Variants in WSCD2 observed in about 807,000 individuals in gnomAD.
WSCD2 encodes the protein sialate:O-sulfotransferase 2.
A neutral mutation model predicts 55.7 loss-of-function variants in WSCD2; 28 were observed. That is an observed-to-expected ratio of 0.50 (90% CI 0.37 to 0.69). The LOEUF is 0.69. Ranked by LOEUF, WSCD2 falls within the 30% of genes least tolerant of loss-of-function variation. The pLI is 0.00. For missense variants in WSCD2, 616 were observed against 762.1 expected, an observed-to-expected ratio of 0.81 and a Z score of 2.26; for synonymous variants, 301 against 301.9, an observed-to-expected ratio of 1.00 and a Z score of 0.03.
chr12:108,200,657 T>A (rs1884553390), intron 2 of WSCD2, among the ~76,000 whole-genome samples: 1 of 152,216 alleles, frequency 6.6e-6, no homozygotes, highest in African/African-American at 2.4e-5. Context: ...TAAAAGTTCT[T>A]CTACAATAAG....
chr12:108,210,955 A>C lies in WSCD2; in HGVS notation c.682+650A>C, dbSNP rs943342637. On this transcript the variant is annotated intron_variant, in intron 4 of 8. Coordinates refer to ENST00000547525, the MANE Select transcript of WSCD2 (RefSeq NM_014653.4). The surrounding 1 kb of genome is among the most constrained non-coding windows in gnomAD (Gnocchi z 4.3). Reference sequence around the variant, plus strand: ...ACAGAAGGAGGGAGTGAATAAGAGGACAGGAGCTGGCTCCTTGTCTGAGGG... The same window carrying C: ...ACAGAAGGAGGGAGTGAATAAGAGGCCAGGAGCTGGCTCCTTGTCTGAGGG... Among the ~76,000 whole-genome samples, 2 of 152,244 alleles carry C rather than the reference A, an allele frequency of 1.3e-5. No individual in the cohort carries two copies. Among genetic ancestry groups the C allele is most frequent in the African/African-American group, 4.8e-5 (2 of 41,462 alleles).
At chr12:108,150,604 C>T (rs1877881176) in intron 1 of WSCD2, among the ~76,000 whole-genome samples, 2 of 152,096 alleles carry the variant, frequency 1.3e-5, no homozygotes, top group African/African-American at 2.4e-5. Context: ...GGCCGGAGCA[C>T]AGAAGCAGAA....
intron 1 of WSCD2, among the ~76,000 whole-genome samples, chr12:108,158,002 C>T (rs1302331659): frequency 6.6e-6 from 1 of 152,170 alleles, no homozygotes; most frequent in Non-Finnish European, 1.5e-5. Flanking sequence ...CCAGCCACTA[C>T]AGGCTGTCTG....
intron 1 of WSCD2, among the ~76,000 whole-genome samples, chr12:108,142,009 G>A (rs530644036): frequency 2.2e-4 from 33 of 152,272 alleles, no homozygotes; most frequent in Middle Eastern, 3.4e-3. Flanking sequence ...AGCCTTCCAG[G>A]GAGAGGTGAG....
chr12:108,141,276 A>T (rs1456066058), intron 1 of WSCD2, among the ~76,000 whole-genome samples: 4 of 152,102 alleles, frequency 2.6e-5, no homozygotes, highest in African/African-American at 7.2e-5. Flanking sequence ...TTTTTAAAAA[A>T]TTTTTGAAGA....
intron 1 of WSCD2, among the ~76,000 whole-genome samples, chr12:108,131,329 A>G (rs1305324524): frequency 2.0e-5 from 3 of 152,222 alleles, no homozygotes; most frequent in African/African-American, 7.2e-5. Flanking sequence ...AGTTCAGTTG[A>G]GACACTCTAT....
intron 8 of WSCD2, among the ~76,000 whole-genome samples, chr12:108,246,941 A>G (rs1890136361): frequency 6.6e-6 from 1 of 152,144 alleles, no homozygotes; most frequent in Non-Finnish European, 1.5e-5. Flanking sequence ...TGAAAACAGA[A>G]TAATATCAGT....
In WSCD2 at chr12:108,250,452, A is replaced by G. The variant is rs1890369065; in HGVS notation, c.*2109A>G. 1 of 152,146 alleles carries G rather than the reference A, an allele frequency of 6.6e-6. No homozygotes were observed. The highest frequency in any genetic ancestry group is 1.5e-5 in the Non-Finnish European group (1 of 68,052). The allele number at this position is 152,146 out of a possible 1,614,324, so 9.4% of individuals were successfully genotyped here. On this transcript the variant is annotated 3_prime_UTR_variant, in exon 9 of 9. Transcript: ENST00000547525. ...CTGTATCCCACAAGTTGCCGGTATG[A>G]CCATCTTATTTGTAATGAGTCTGTG...
At chr12:108,229,991 T>A (rs1483775480) in intron 6 of WSCD2, among the ~76,000 whole-genome samples, 1 of 152,188 alleles carries the variant, frequency 6.6e-6, no homozygotes, top group Non-Finnish European at 1.5e-5. Flanking sequence ...TTATTGTCCA[T>A]CTCTCCTTTT....
At chr12:108,149,039 G>C (rs956990962) in intron 1 of WSCD2, among the ~76,000 whole-genome samples, 10 of 152,212 alleles carry the variant, frequency 6.6e-5, no homozygotes, top group African/African-American at 2.4e-4. Flanking sequence ...TTAGTCAGCA[G>C]AGGAGACATG....
chr12:108,212,242 A>G (rs974634309), intron 4 of WSCD2, among the ~76,000 whole-genome samples: 1 of 152,136 alleles, frequency 6.6e-6, no homozygotes, highest in African/African-American at 2.4e-5. Flanking sequence ...TTTACAACTG[A>G]TCGCCTTTAT....
intron 1 of WSCD2, among the ~76,000 whole-genome samples, chr12:108,138,868 G>A (rs1876495381): frequency 6.6e-6 from 1 of 152,210 alleles, no homozygotes; most frequent in African/African-American, 2.4e-5. Flanking sequence ...GCCAGGTCCT[G>A]TGCTGGGCCC....
intron 1 of WSCD2, among the ~76,000 whole-genome samples, chr12:108,130,525 G>A (rs1875395678): frequency 6.7e-6 from 1 of 148,332 alleles, no homozygotes; most frequent in Non-Finnish European, 1.5e-5. Context: ...TGTGTGTAAA[G>A]AGAGAGAGGG....
chr12:108,231,040 G>A (rs572471135), intron 6 of WSCD2, among the ~76,000 whole-genome samples: 4 of 152,306 alleles, frequency 2.6e-5, no homozygotes, highest in African/African-American at 7.2e-5. Flanking sequence ...AGCCAGCTGA[G>A]AGAGAAAAAA....
At chr12:108,211,231 G>C (rs1317580154) in intron 4 of WSCD2, among the ~76,000 whole-genome samples, 1 of 152,158 alleles carries the variant, frequency 6.6e-6, no homozygotes, top group Admixed American at 6.5e-5. Flanking sequence ...AAAGATGGGG[G>C]GTGCTGACCT....
At chr12:108,179,563 C>A (rs1323171546) in intron 1 of WSCD2, among the ~76,000 whole-genome samples, 4 of 152,208 alleles carry the variant, frequency 2.6e-5, no homozygotes, top group Non-Finnish European at 5.9e-5. Flanking sequence ...GTGGGATTGG[C>A]AATTGTACAT....
intron 1 of WSCD2, among the ~76,000 whole-genome samples, chr12:108,156,934 G>A (rs974919897): frequency 3.9e-5 from 6 of 152,276 alleles, no homozygotes; most frequent in East Asian, 1.9e-4. Context: ...GTGTCTAGAC[G>A]CTTTCCTCAG....
chr12:108,194,148 C>G (rs947357498), intron 1 of WSCD2, among the ~76,000 whole-genome samples: 3 of 152,222 alleles, frequency 2.0e-5, no homozygotes, highest in African/African-American at 7.2e-5. Context: ...AGCTGTGGTA[C>G]TCAACTCTCT....
intron 1 of WSCD2, among the ~76,000 whole-genome samples, chr12:108,180,050 C>CAAAAA (rs59925486): frequency 2.3e-4 from 27 of 116,646 alleles, no homozygotes; most frequent in East Asian, 4.9e-4. Flanking sequence ...CTCAAAAAAA[C>CAAAAA]AAAAAAAAAA....
Sources: allele counts gnomAD v4.1 joint callset (sites outside exome capture counted in the v4.1 genomes callset), GRCh38; gene constraint gnomAD v4.1.1; non-coding constraint Gnocchi (gnomAD v3.1); transcripts MANE v1.5; gene names NCBI Gene and HGNC (gene_info 2026-07-23, HGNC 2026-07-21).